Variants in BZW1 observed in about 807,000 individuals in gnomAD.
BZW1 encodes the protein eIF5-mimic protein 2.
BZW1 carries 3 observed loss-of-function variants against 54.1 expected under a neutral mutation model. The ratio of observed to expected loss-of-function variants is 0.06; its 90% CI spans 0.03 to 0.14. The LOEUF is 0.14. Among genes scored for constraint, BZW1 ranks in the 10% least tolerant of loss-of-function variants. BZW1 has a pLI of 1.00. For missense variants in BZW1, 206 were observed against 491.7 expected (o/e 0.42, Z 5.50); for synonymous variants, 152 against 162.7 (o/e 0.93, Z 0.50).
In BZW1 at chr2:200,825,920, AGTATTTGCAAATTCTG is replaced by A. The variant is rs1277074924; in HGVS notation, c.*3746_*3761del. 1 of 152,248 alleles carries A rather than the reference AGTATTTGCAAATTCTG, an allele frequency of 6.6e-6. No individual in the cohort carries two copies. The highest frequency in any genetic ancestry group is 1.5e-5 in the Non-Finnish European group (1 of 68,036). 9.4% of individuals were successfully genotyped at this position (152,248 alleles called of 1,614,324 possible). On this transcript the variant is annotated 3_prime_UTR_variant, in exon 12 of 12. Transcript: ENST00000409600. ...AGGTGCCATATAAAATAGGTTGATA[AGTATTTGCAAATTCTG>A]GTAAATTGCCTTGCTATGATTTTTC...
chr2:200,817,153 A>G lies in BZW1; in HGVS notation c.450A>G (p.Leu150=). The G allele has an allele frequency of 1.9e-6, 3 of 1,613,908 alleles. No homozygotes were observed. Among genetic ancestry groups the G allele is most frequent in the Non-Finnish European group, 2.5e-6 (3 of 1,179,874 alleles). The change falls in exon 6 of 12, where the codon CTA becomes CTG. Residue 150 remains leucine (L), a synonymous_variant. Coordinates refer to ENST00000409600, the MANE Select transcript of BZW1 (RefSeq NM_001207067.2). ...TTTCAGAGTCGGAGAGGAACAAGCT[A>G]GCTATGTTGACTGGTGTTCTTCTGG... ...KGFSESERNK[L]AMLTGVLLAN...
chr2:200,815,792 T>C, intron 4 of BZW1, 31 bp downstream of exon 4: 1 of 1,488,576 alleles, frequency 6.7e-7, no homozygotes. Flanking sequence ...TTGTTTTCAG[T>C]TGGCTACTAT....
chr2:200,812,820 G>T, intron 1 of BZW1: 1 of 676,768 alleles, frequency 1.5e-6, no homozygotes, highest in Non-Finnish European at 2.8e-6. Flanking sequence ...TACACATTTT[G>T]GATGCCTGCT....
At chr2:200,812,259 G>A in intron 1 of BZW1, 1 of 1,232,168 alleles carries the variant, frequency 8.1e-7, no homozygotes, top group African/African-American at 1.6e-5. Context: ...GGCTCCCTCT[G>A]GGCCGTGCCC....
At chr2:200,817,858 T>G in intron 6 of BZW1, 116 bp from the exon 7 acceptor site, 2 of 701,254 alleles carry the variant, frequency 2.9e-6, no homozygotes, top group South Asian at 4.4e-5. Context: ...AGGGTTAAGT[T>G]TGTGAGGAAA....
intron 10 of BZW1, 39 bp from the exon 11 acceptor site, chr2:200,821,144 A>G (rs549484298): frequency 1.1e-5 from 17 of 1,608,200 alleles, no homozygotes; most frequent in Middle Eastern, 2.3e-4. Flanking sequence ...TGAGTAGAGT[A>G]TATTAAAACT....
chr2:200,818,095 T>G lies in BZW1; in HGVS notation c.648+12T>G, dbSNP rs1050420087. ...ATAACAGACTGATGGTTGGTAACTT[T>G]TTTTCATTCTTCCCATTCTTGCCAA... On this transcript the variant is annotated intron_variant, in intron 7 of 11. Transcript: ENST00000409600. 5.8e-6 allele frequency: 9 copies of G among 1,540,854 alleles called. No homozygotes were observed. The highest frequency in any genetic ancestry group is 7.0e-6 in the Non-Finnish European group (8 of 1,139,912).
At chr2:200,821,507 A>C (rs1252353176) in intron 11 of BZW1, among the ~76,000 whole-genome samples, 5 of 152,136 alleles carry the variant, frequency 3.3e-5, no homozygotes, top group African/African-American at 4.8e-5. Context: ...TTCTTCATGA[A>C]ATGGAAAATT....
chr2:200,811,981 C>A lies in BZW1; in HGVS notation c.-20C>A. ...GGATTTCTGGCTCTTTCCTCTTCGCCTTAAATTCGGTGAGACGCGGCGCCC... is the reference window on the plus strand; with the variant it reads ...GGATTTCTGGCTCTTTCCTCTTCGCATTAAATTCGGTGAGACGCGGCGCCC... On this transcript the variant is annotated 5_prime_UTR_variant, in exon 1 of 12. Coordinates refer to ENST00000409600, the MANE Select transcript of BZW1 (RefSeq NM_001207067.2). The A allele has an allele frequency of 2.8e-6, 1 of 356,886 alleles. No homozygotes were observed. Among genetic ancestry groups the A allele is most frequent in the Non-Finnish European group, 5.0e-6 (1 of 199,776 alleles). 22.1% of individuals were successfully genotyped at this position (356,886 alleles called of 1,614,324 possible). A position where few individuals can be genotyped will look rare whatever the true frequency, so the allele number is the denominator to read the frequency against.
chr2:200,812,880 G>C (rs2038139546), intron 1 of BZW1: 3 of 655,030 alleles, frequency 4.6e-6, no homozygotes, highest in Admixed American at 2.1e-5. Context: ...AGTGGTCGTG[G>C]AAGATGTAAG....
Position 200,818,916 on chromosome 2 carries a change from C to T in BZW1, c.966+15C>T. On this transcript the variant is annotated intron_variant, in intron 9 of 11. Coordinates refer to ENST00000409600, the MANE Select transcript of BZW1 (RefSeq NM_001207067.2). The stretch of plus-strand genomic sequence containing the variant: ...AGCACTTGAAGGTATTAGAACTATG[C>T]CTTGACAAAACAAACTATTCTGCTT... The T allele has an allele frequency of 6.5e-7, 1 of 1,544,114 alleles. No individual in the cohort carries two copies. Among genetic ancestry groups the T allele is most frequent in the Non-Finnish European group, 8.7e-7 (1 of 1,152,502 alleles).
rs550046986 is a variant in BZW1 at position 200,820,537 on chromosome 2, C to T, written c.1105+417C>T. 2.0e-5 allele frequency among the ~76,000 whole-genome samples: 3 copies of T among 152,268 alleles called. No homozygotes were observed. The South Asian group carries it at 6.2e-4, about 32-fold the overall frequency. On this transcript the variant is annotated intron_variant, in intron 10 of 11. Transcript: ENST00000409600. The stretch of plus-strand genomic sequence containing the variant: ...TCTACAAAAAAAATAAAAAATTAGG[C>T]AGGGAATGGTGGCGCAAGCCTGTAG...
At position 200,824,880 on chromosome 2, in the gene BZW1, G is replaced by A. The variant is rs1178574370; in HGVS notation, c.*2702G>A. The A allele has an allele frequency of 1.3e-5, 2 of 151,890 alleles. No individual in the cohort carries two copies. Among genetic ancestry groups the A allele is most frequent in the African/African-American group, 4.8e-5 (2 of 41,348 alleles). The allele number at this position is 151,890 out of a possible 1,614,324, so 9.4% of individuals were successfully genotyped here. A position where few individuals can be genotyped will look rare whatever the true frequency, so the allele number is the denominator to read the frequency against. On this transcript the variant is annotated 3_prime_UTR_variant, in exon 12 of 12. Coordinates refer to ENST00000409600, the MANE Select transcript of BZW1 (RefSeq NM_001207067.2). ...GTAGAGACGAGGTTTCACCGGATTA[G>A]CGAGGATGGTCTCAATCTCCTGACC...
intron 4 of BZW1, 30 bp from the exon 5 acceptor site, chr2:200,816,295 G>A (rs1375230582): frequency 6.7e-7 from 1 of 1,486,498 alleles, no homozygotes; most frequent in South Asian, 1.2e-5. Flanking sequence ...AATATATGAA[G>A]TTACTGAATT....
Position 200,819,598 on chromosome 2 carries a change from TCACCCAG to T in BZW1, c.967-383_967-377del, listed in dbSNP as rs1371554033. Among the ~76,000 whole-genome samples the T allele has an allele frequency of 3.6e-4, 54 of 151,724 alleles. 1 individual carries two copies. Among genetic ancestry groups the T allele is most frequent in the African/African-American group, 1.0e-3 (42 of 41,412 alleles). ...TTTCTCTTGAGACAGTCTCACTCTGTCACCCAGGCTGGAGTGCAGTGATGTGATCTCA... is the reference window on the plus strand; with the variant it reads ...TTTCTCTTGAGACAGTCTCACTCTGTGCTGGAGTGCAGTGATGTGATCTCA... On this transcript the variant is annotated intron_variant, in intron 9 of 11. Coordinates refer to ENST00000409600, the MANE Select transcript of BZW1 (RefSeq NM_001207067.2).
Position 200,812,570 on chromosome 2 carries a change from C to G in BZW1, c.-11+580C>G. ...GGGTCCTGGGCGGGAAGCGGGTGAT[C>G]TGTGGCTCGGGCGGGAGGCATGGGA... is the stretch of plus-strand genomic sequence containing the variant. On this transcript the variant is annotated intron_variant, in intron 1 of 11. Transcript: ENST00000409600. 3 of 1,410,598 alleles carry G rather than the reference C, an allele frequency of 2.1e-6. No homozygotes were observed. The Admixed American group carries it at 8.8e-5, about 41-fold the overall frequency. The allele number at this position is 1,410,598 out of a possible 1,614,324, so 87.4% of individuals were successfully genotyped here.
chr2:200,817,384 G>C, intron 6 of BZW1, 143 bp downstream of exon 6: 1 of 1,071,068 alleles, frequency 9.3e-7, no homozygotes, highest in Non-Finnish European at 1.3e-6. Context: ...TAATTCACTA[G>C]ACATTTAATG....
intron 9 of BZW1, 66 bp downstream of exon 9, chr2:200,818,967 C>A: frequency 1.3e-6 from 2 of 1,481,924 alleles, no homozygotes; most frequent in Middle Eastern, 1.7e-4. Flanking sequence ...TGAACTGTGA[C>A]TATATTTTTC....
Position 200,826,302 on chromosome 2 carries a change from G to A in BZW1, c.*4124G>A, listed in dbSNP as rs2038686990. ...AATCTAATTATTTTTATTTTCCAGTGTACTTATCATCCTTTCATCTTTATG... is the reference window on the plus strand; with the variant it reads ...AATCTAATTATTTTTATTTTCCAGTATACTTATCATCCTTTCATCTTTATG... On this transcript the variant is annotated 3_prime_UTR_variant, in exon 12 of 12. Transcript: ENST00000409600. 6.9e-6 allele frequency: 1 copy of A among 144,092 alleles called. No individual in the cohort carries two copies. The highest frequency in any genetic ancestry group is 2.2e-4 in the South Asian group (1 of 4,522). The allele number at this position is 144,092 out of a possible 1,614,324, so 8.9% of individuals were successfully genotyped here.
Sources: allele counts gnomAD v4.1 joint callset (sites outside exome capture counted in the v4.1 genomes callset), GRCh38; gene constraint gnomAD v4.1.1; transcripts MANE v1.5; gene names NCBI Gene and HGNC (gene_info 2026-07-23, HGNC 2026-07-21).